The following UBE3D variants were observed in gnomAD, a reference collection of about 807,000 sequenced individuals.
UBE3D encodes ubiquitin protein ligase E3D.
Under a neutral mutation model 49.6 loss-of-function variants are expected in UBE3D, and 48 were observed. The observed-to-expected ratio is 0.97, with a 90% CI of 0.77 to 1.23. The LOEUF is 1.23. Among genes scored for constraint, UBE3D ranks in the 50% most tolerant of loss-of-function variants. The probability of loss-of-function intolerance (pLI) is 0.00; values close to 1 mark genes in which losing one functional copy is unlikely to be tolerated. For synonymous variants in UBE3D, 189 were observed against 174.2 expected, an observed-to-expected ratio of 1.08 and a Z score of -0.67; for missense variants, 452 against 468.4, an observed-to-expected ratio of 0.96 and a Z score of 0.32.
chr6:82,891,399 C>T (rs1017177918), downstream of UBE3D, among the ~76,000 whole-genome samples: 2 of 152,158 alleles, frequency 1.3e-5, no homozygotes, highest in Non-Finnish European at 2.9e-5. Flanking sequence ...AGCTGAGGAA[C>T]CCTGCTGTAT....
intron 8 of UBE3D, among the ~76,000 whole-genome samples, chr6:82,985,705 C>T (rs1026574735): frequency 6.6e-6 from 1 of 151,992 alleles, no homozygotes; most frequent in Non-Finnish European, 1.5e-5. Context: ...GAAATGGATC[C>T]CCGTGTAACA....
chr6:82,985,930 TTTAATA>T (rs1778456982), intron 8 of UBE3D, among the ~76,000 whole-genome samples: 1 of 152,108 alleles, frequency 6.6e-6, no homozygotes, highest in African/African-American at 2.4e-5. Context: ...AATAATACAT[TTTAATA>T]TTAATATCTG....
chr6:82,891,957 G>A (rs1770988941), downstream of UBE3D, among the ~76,000 whole-genome samples: 1 of 152,096 alleles, frequency 6.6e-6, no homozygotes, highest in African/African-American at 2.4e-5. Context: ...AACCCCAGAG[G>A]CGGAGCCTGC....
chr6:82,984,524 AT>A (rs1778328554), intron 8 of UBE3D, among the ~76,000 whole-genome samples: 1 of 152,156 alleles, frequency 6.6e-6, no homozygotes, highest in Non-Finnish European at 1.5e-5. Flanking sequence ...AAAGTATGAG[AT>A]TTCCCATTTT....
intron 8 of UBE3D, among the ~76,000 whole-genome samples, chr6:82,977,113 C>CAAAAAAAAAAAA (rs58424434): frequency 5.4e-4 from 23 of 42,584 alleles, no homozygotes; most frequent in African/African-American, 2.5e-3. Context: ...GACTCCATCT[C>CAAAAAAAAAAAA]AAAAAAAAAA....
downstream of UBE3D, among the ~76,000 whole-genome samples, chr6:82,891,116 A>C (rs1770971293): frequency 1.3e-5 from 2 of 152,250 alleles, no homozygotes; most frequent in Admixed American, 1.3e-4. Context: ...ATTTTGTAAT[A>C]ATCTGTCATG....
At chr6:83,048,826 C>A (rs555309247) in intron 3 of UBE3D, among the ~76,000 whole-genome samples, 1 of 152,132 alleles carries the variant, frequency 6.6e-6, no homozygotes, top group Admixed American at 6.5e-5. Context: ...ATCTAAAACC[C>A]TGAAAAATAT....
Position 83,032,905 on chromosome 6 carries a change from A to G in UBE3D, c.667+5511T>C, listed in dbSNP as rs112805475. 9.6e-3 allele frequency among the ~76,000 whole-genome samples: 1,465 copies of G among 152,294 alleles called. 20 individuals carry two copies. Among genetic ancestry groups the G allele is most frequent in the African/African-American group, 0.033 (1,388 of 41,560 alleles). ...TCTTTGTCCCCCTTCACCTTTTGCC[A>G]TGATTGTGAGGCCTCCCCAGTCATG... On this transcript the variant is annotated intron_variant, in intron 5 of 9. Transcript: ENST00000369747.
At chr6:82,936,148 T>A (rs1774557597) in intron 9 of UBE3D, among the ~76,000 whole-genome samples, 1 of 152,160 alleles carries the variant, frequency 6.6e-6, no homozygotes, top group Non-Finnish European at 1.5e-5. Flanking sequence ...ATTTAGTCTC[T>A]GCTAGAAAAT....
intron 8 of UBE3D, among the ~76,000 whole-genome samples, chr6:82,961,273 C>G (rs1238084541): frequency 6.6e-6 from 1 of 152,240 alleles, no homozygotes; most frequent in East Asian, 1.9e-4. Context: ...AACATGGTCG[C>G]CTTTAATTTT....
At chr6:82,922,873 A>G (rs1773450752) in intron 9 of UBE3D, among the ~76,000 whole-genome samples, 1 of 152,244 alleles carries the variant, frequency 6.6e-6, no homozygotes, top group South Asian at 2.1e-4. Context: ...TTTACAAGAA[A>G]CAACCCCATC....
intron 8 of UBE3D, among the ~76,000 whole-genome samples, chr6:83,008,455 C>T (rs1409983299): frequency 6.6e-6 from 1 of 151,920 alleles, no homozygotes; most frequent in Non-Finnish European, 1.5e-5. Flanking sequence ...GTAAAAAAAA[C>T]CGCTGTTGCT....
At chr6:82,933,088 G>C (rs1011654821) in intron 9 of UBE3D, among the ~76,000 whole-genome samples, 1 of 151,858 alleles carries the variant, frequency 6.6e-6, no homozygotes, top group Non-Finnish European at 1.5e-5. Flanking sequence ...TGGGGGGTGG[G>C]GGAAGATACT....
At chr6:82,936,489 T>G (rs1318220131) in intron 9 of UBE3D, among the ~76,000 whole-genome samples, 2 of 152,014 alleles carry the variant, frequency 1.3e-5, no homozygotes, top group African/African-American at 4.8e-5. Context: ...TATGGACACA[T>G]ACAGGTTTTG....
Position 83,044,638 on chromosome 6 carries a change from T to C in UBE3D, c.387A>G (p.Pro129=). 1 of 1,614,108 alleles carries C rather than the reference T, an allele frequency of 6.2e-7. No individual in the cohort carries two copies. The highest frequency in any genetic ancestry group is 2.2e-5 in the East Asian group (1 of 44,888). Residue 129 remains proline, a synonymous_variant, in exon 4 of 10, where the codon CCA becomes CCG. Transcript: ENST00000369747. ...IKDRKLLRVL[P]LPSENWGALV... ...GAGCTCCCCAGTTCTCACTCGGCAG[T>C]GGGAGCACCCTGAGGAGCTTCCTAG... is the stretch of plus-strand genomic sequence containing the variant.
chr6:82,973,960 T>G (rs1406738417), intron 8 of UBE3D, among the ~76,000 whole-genome samples: 1 of 152,200 alleles, frequency 6.6e-6, no homozygotes, highest in Non-Finnish European at 1.5e-5. Context: ...TGATTATCTG[T>G]CATTGTCTCC....
At chr6:83,040,516 T>TA (rs903249273) in intron 4 of UBE3D, among the ~76,000 whole-genome samples, 23 of 152,036 alleles carry the variant, frequency 1.5e-4, no homozygotes, top group African/African-American at 5.6e-4. Flanking sequence ...ATGCAACTAG[T>TA]AAAAAAATCC....
chr6:83,041,731 A>T (rs1207840486), intron 4 of UBE3D, among the ~76,000 whole-genome samples: 1 of 152,178 alleles, frequency 6.6e-6, no homozygotes, highest in Non-Finnish European at 1.5e-5. Flanking sequence ...AAATTACCAA[A>T]AGCAACTAAT....
At chr6:83,057,677 G>A in intron 2 of UBE3D, 149 bp downstream of exon 2, 2 of 710,840 alleles carry the variant, frequency 2.8e-6, no homozygotes, top group East Asian at 2.7e-5. Flanking sequence ...ATGTTCAATT[G>A]CATACAGCCA....
Sources: gnomAD v4.1 joint callset for allele counts (sites outside exome capture counted in the v4.1 genomes callset) on GRCh38, gnomAD v4.1.1 for gene constraint, MANE v1.5 for transcripts, NCBI Gene and HGNC (gene_info 2026-07-23, HGNC 2026-07-21) for gene names.